Variants in MAPK8IP3 observed in about 807,000 individuals in gnomAD.
MAPK8IP3 encodes mitogen-activated protein kinase 8 interacting protein 3.
In MAPK8IP3, 49 loss-of-function variants were observed where a neutral mutation model predicts 157.8. The observed-to-expected ratio is 0.31, with a 90% confidence interval of 0.25 to 0.39. MAPK8IP3 has a LOEUF of 0.39. Ranked by LOEUF, MAPK8IP3 falls within the 10% of genes least tolerant of loss-of-function variation. The pLI, the probability that MAPK8IP3 is intolerant of heterozygous loss-of-function variation, is 1.00. For synonymous variants in MAPK8IP3, 897 were observed against 777.7 expected, an observed-to-expected ratio of 1.15 and a Z score of -2.55; for missense variants, 1,478 against 1,889.4, an observed-to-expected ratio of 0.78 and a Z score of 4.04.
At chr16:1,737,487 C>T (rs2040066227) in intron 4 of MAPK8IP3, among the ~76,000 whole-genome samples, 1 of 82,430 alleles carries the variant, frequency 1.2e-5, no homozygotes, top group African/African-American at 4.9e-5. Flanking sequence ...TGTGACCGTC[C>T]GTGTGAGCGT....
rs200127840 is a variant in MAPK8IP3, at chr16:1,766,595, G to A, written c.2886G>A (p.Thr962=). The part of the protein sequence containing the change: ...RPEPEPSGDP[T]GAGSSAAPTM... ...AGCCAGAGCCCAGCGGGGACCCCACGGGAGCAGGCAGCAGTGCTGCACCCA... is the reference window on the plus strand; with the variant it reads ...AGCCAGAGCCCAGCGGGGACCCCACAGGAGCAGGCAGCAGTGCTGCACCCA... The change falls in exon 23 of 32, where the codon ACG becomes ACA. Residue 962 remains threonine (T), a synonymous_variant. Transcript: ENST00000610761. 1.4e-4 allele frequency: 220 copies of A among 1,612,292 alleles called. No individual in the cohort carries two copies. The highest frequency in any genetic ancestry group is 5.1e-4 in the African/African-American group (38 of 74,924).
intron 4 of MAPK8IP3, among the ~76,000 whole-genome samples, chr16:1,739,895 T>G (rs1217993811): frequency 3.4e-5 from 4 of 116,242 alleles, no homozygotes; most frequent in Non-Finnish European, 5.1e-5. Context: ...ACCGTCCGTG[T>G]GAGCATCCCT....
chr16:1,733,447 T>C (rs2039446497), intron 4 of MAPK8IP3, among the ~76,000 whole-genome samples: 1 of 152,200 alleles, frequency 6.6e-6, no homozygotes, highest in East Asian at 1.9e-4. Context: ...CAGAGCCGCC[T>C]GATGCTGCCG....
rs933118015 is a variant in MAPK8IP3, at chr16:1,763,613, C to T, written c.1899-44C>T. 1.6e-5 allele frequency: 23 copies of T among 1,473,912 alleles called. No individual in the cohort carries two copies. The Admixed American group carries it at 2.1e-4, about 13-fold the overall frequency. 91.3% of individuals were successfully genotyped at this position (1,473,912 alleles called of 1,614,324 possible). A position where few individuals can be genotyped will look rare whatever the true frequency, so the allele number is the denominator to read the frequency against. The stretch of plus-strand genomic sequence containing the variant: ...GACAAGCCTGGGGCACTGTGGGGGC[C>T]GCTCACCCTGGACAGAGACATCACC... On this transcript the variant is annotated intron_variant, in intron 16 of 31. Transcript: ENST00000610761.
intron 1 of MAPK8IP3, among the ~76,000 whole-genome samples, chr16:1,719,907 G>A (rs897094851): frequency 2.6e-5 from 4 of 152,158 alleles, no homozygotes; most frequent in African/African-American, 7.2e-5. Flanking sequence ...CTACAAAAGG[G>A]CACTGTCCCA....
chr16:1,748,497 G>C (rs2041102949), intron 7 of MAPK8IP3, 105 bp from the exon 8 acceptor site: 1 of 1,134,638 alleles, frequency 8.8e-7, no homozygotes, highest in African/African-American at 1.5e-5. Flanking sequence ...GGGCAGTGTG[G>C]GCATTGAATG....
In MAPK8IP3 at chr16:1,706,204, A is replaced by G. The variant is rs1288548268; in HGVS notation, c.-136A>G. ...AGTGAGTGACGGGCGCAGCCTCGGC[A>G]GCGGCGGCGGCGGAGCCCTGAGGCG... On this transcript the variant is annotated 5_prime_UTR_variant, in exon 1 of 32. Transcript: ENST00000610761. The surrounding 1 kb of genome is among the most constrained non-coding windows in gnomAD (Gnocchi z 5.1). 4.6e-6 allele frequency: 3 copies of G among 659,012 alleles called. No homozygotes were observed. Among genetic ancestry groups the G allele is most frequent in the East Asian group, 7.5e-5 (2 of 26,728 alleles). 40.8% of individuals were successfully genotyped at this position (659,012 alleles called of 1,614,324 possible).
Position 1,747,221 on chromosome 16 carries a change from G to A in MAPK8IP3, c.940G>A (p.Asp314Asn), listed in dbSNP as rs376902346. The change falls in exon 6 of 32, where the codon GAC (aspartate) becomes AAC (asparagine). Residue 314 changes from aspartate to asparagine, a missense_variant. Asp to Asn is a conservative substitution (Grantham distance 23). Around this residue, in one of 11 missense-constraint regions of MAPK8IP3, gnomAD observed 315 missense variants for 394.4 expected, o/e 0.80. Coordinates refer to ENST00000610761, the MANE Select transcript of MAPK8IP3 (RefSeq NM_001318852.2). ...CAGCAAGCGTGCCCGGGAGAAGCGC[G>A]ACAGCCGCAACATGGAAGTACAGGT... ...KNSKRAREKRDSRNMEVQVTQ... is the reference protein window; with the variant it reads ...KNSKRAREKRNSRNMEVQVTQ... 132 of 1,613,670 alleles carry A rather than the reference G, an allele frequency of 8.2e-5. No individual in the cohort carries two copies. In the African/African-American group the frequency reaches 1.4e-3, roughly 17 times the overall value.
chr16:1,759,083 G>A, intron 10 of MAPK8IP3, 88 bp downstream of exon 10: 3 of 1,565,466 alleles, frequency 1.9e-6, no homozygotes, highest in Non-Finnish European at 2.6e-6. Flanking sequence ...TGTTCTGCAT[G>A]ATGGGGACAG....
intron 4 of MAPK8IP3, among the ~76,000 whole-genome samples, chr16:1,737,706 G>A (rs1193652929): frequency 1.1e-5 from 1 of 91,484 alleles, no homozygotes. Context: ...ATCCATGTGA[G>A]CATCTGTGTG....
At chr16:1,744,487 C>T (rs763174589) in intron 5 of MAPK8IP3, 660 of 985,544 alleles carry the variant, frequency 6.7e-4, no homozygotes, top group Non-Finnish European at 7.1e-4. Context: ...GCATCTGGAA[C>T]GCTCTCCTGT....
At chr16:1,760,056 C>T (rs374393126) in intron 11 of MAPK8IP3, 41 bp downstream of exon 11, 19 of 1,610,124 alleles carry the variant, frequency 1.2e-5, no homozygotes, top group Non-Finnish European at 1.5e-5. Context: ...CTGAGGCAGC[C>T]CTCCTTGTCA....
At chr16:1,757,862 G>A (rs1296539422) in intron 8 of MAPK8IP3, among the ~76,000 whole-genome samples, 1 of 152,232 alleles carries the variant, frequency 6.6e-6, no homozygotes, top group Non-Finnish European at 1.5e-5. Flanking sequence ...CTGCCCTCCT[G>A]ATGGGCGATG....
chr16:1,719,256 A>T (rs2038357015), intron 1 of MAPK8IP3, among the ~76,000 whole-genome samples: 1 of 152,024 alleles, frequency 6.6e-6, no homozygotes. Context: ...GCTGTGAGCC[A>T]CTGTGCCCAG....
At chr16:1,731,183 A>AGCCAGTGTGATG (rs1423287391) in intron 4 of MAPK8IP3, among the ~76,000 whole-genome samples, 1 of 151,816 alleles carries the variant, frequency 6.6e-6, no homozygotes, top group Non-Finnish European at 1.5e-5. Flanking sequence ...TAACAAAATT[A>AGCCAGTGTGATG]GCCAGTGTGA....
intron 6 of MAPK8IP3, among the ~76,000 whole-genome samples, chr16:1,747,648 CAT>C (rs2041045837): frequency 6.6e-6 from 1 of 152,244 alleles, no homozygotes; most frequent in Non-Finnish European, 1.5e-5. Flanking sequence ...TATCTATTAA[CAT>C]ATGGATTTGG....
At chr16:1,763,576 G>T in intron 16 of MAPK8IP3, 81 bp from the exon 17 acceptor site, 1 of 1,386,672 alleles carries the variant, frequency 7.2e-7, no homozygotes, top group South Asian at 1.7e-5. Context: ...TCCCTGCCGT[G>T]ACCTCCCCCA....
intron 4 of MAPK8IP3, among the ~76,000 whole-genome samples, chr16:1,735,608 A>G (rs1346862505): frequency 7.3e-6 from 1 of 136,424 alleles, no homozygotes; most frequent in Non-Finnish European, 1.5e-5. Context: ...CATCCGTGTG[A>G]CCATCCGTGT....
chr16:1,762,582 G>A (rs2042015593), intron 14 of MAPK8IP3, 93 bp from the exon 15 acceptor site: 1 of 1,556,776 alleles, frequency 6.4e-7, no homozygotes, highest in Admixed American at 1.9e-5. Flanking sequence ...GGGGACTGAA[G>A]TGCGCTGGGT....
Sources: allele counts gnomAD v4.1 joint callset (sites outside exome capture counted in the v4.1 genomes callset), GRCh38; gene constraint gnomAD v4.1.1; regional missense constraint gnomAD v4.1.1; non-coding constraint Gnocchi (gnomAD v3.1); transcripts MANE v1.5; gene names NCBI Gene and HGNC (gene_info 2026-07-23, HGNC 2026-07-21).